FARS2: variants seen among roughly 807,000 people sequenced by gnomAD.
FARS2 encodes the protein phenylalanine--tRNA ligase, mitochondrial.
Under a neutral mutation model 46.4 loss-of-function variants are expected in FARS2, and 40 were observed. That is an observed-to-expected ratio of 0.86 (90% CI 0.67 to 1.12). The LOEUF (loss-of-function observed/expected upper bound fraction) is 1.12. Ranked by LOEUF, FARS2 falls within the 50% of genes most tolerant of loss-of-function variation. The probability of loss-of-function intolerance (pLI) is 0.00; values close to 1 mark genes in which losing one functional copy is unlikely to be tolerated. For synonymous variants in FARS2, 234 were observed against 214.9 expected, an observed-to-expected ratio of 1.09 and a Z score of -0.78; for missense variants, 513 against 567.9, an observed-to-expected ratio of 0.90 and a Z score of 0.98.
chr6:5,304,065 G>A (rs1236918978), intron 1 of FARS2, among the ~76,000 whole-genome samples: 1 of 152,042 alleles, frequency 6.6e-6, no homozygotes, highest in African/African-American at 2.4e-5. Context: ...TGAGATCAAA[G>A]CATGCATATC....
chr6:5,681,373 C>T (rs892804179), intron 6 of FARS2, among the ~76,000 whole-genome samples: 6 of 152,160 alleles, frequency 3.9e-5, no homozygotes, highest in African/African-American at 1.4e-4. Flanking sequence ...TGACCTAGTT[C>T]ACATTTTATA....
At chr6:5,665,941 T>C (rs1778093275) in intron 6 of FARS2, among the ~76,000 whole-genome samples, 1 of 152,004 alleles carries the variant, frequency 6.6e-6, no homozygotes, top group Non-Finnish European at 1.5e-5. Flanking sequence ...GGTGGCTGAA[T>C]GTCATGAGGG....
At chr6:5,432,954 G>A (rs962236015) in intron 4 of FARS2, among the ~76,000 whole-genome samples, 1 of 152,096 alleles carries the variant, frequency 6.6e-6, no homozygotes, top group Non-Finnish European at 1.5e-5. Flanking sequence ...ATCTGCAGGG[G>A]CCTGGACTCC....
At chr6:5,427,044 C>T (rs1762894556) in intron 3 of FARS2, among the ~76,000 whole-genome samples, 1 of 152,164 alleles carries the variant, frequency 6.6e-6, no homozygotes, top group South Asian at 2.1e-4. Context: ...AGTAGAGACA[C>T]AGTGTACTCA....
intron 5 of FARS2, among the ~76,000 whole-genome samples, chr6:5,602,367 C>T (rs1268635473): frequency 6.6e-6 from 1 of 152,064 alleles, no homozygotes; most frequent in Non-Finnish European, 1.5e-5. Context: ...AGGAAACCTC[C>T]AGCCGGGTGC....
intron 4 of FARS2, among the ~76,000 whole-genome samples, chr6:5,436,289 G>A (rs1347983500): frequency 1.3e-5 from 2 of 152,180 alleles, no homozygotes; most frequent in African/African-American, 2.4e-5. Flanking sequence ...TCCTATATCA[G>A]CATGAATCTA....
chr6:5,440,240 C>T (rs1005463086), intron 4 of FARS2, among the ~76,000 whole-genome samples: 1 of 151,976 alleles, frequency 6.6e-6, no homozygotes, highest in African/African-American at 2.4e-5. Context: ...GTCAGATATA[C>T]CTACATATAG....
At chr6:5,521,868 G>A (rs553016509) in intron 4 of FARS2, among the ~76,000 whole-genome samples, 2 of 152,198 alleles carry the variant, frequency 1.3e-5, no homozygotes, top group Admixed American at 6.5e-5. Flanking sequence ...ATAAGTGGTC[G>A]AGTCTCTGCA....
intron 6 of FARS2, among the ~76,000 whole-genome samples, chr6:5,703,510 C>T (rs1758565045): frequency 6.6e-6 from 1 of 152,160 alleles, no homozygotes; most frequent in Admixed American, 6.5e-5. Flanking sequence ...CACTTTATAG[C>T]AGATATACAT....
intron 6 of FARS2, among the ~76,000 whole-genome samples, chr6:5,636,347 G>A (rs1776546258): frequency 6.6e-6 from 1 of 152,210 alleles, no homozygotes; most frequent in Non-Finnish European, 1.5e-5. Context: ...TGTCCACCCA[G>A]CTCCCGGTGA....
chr6:5,260,865 G>C (rs1165596430), upstream of FARS2: 3 of 1,467,002 alleles, frequency 2.0e-6, no homozygotes, highest in Admixed American at 7.1e-5. Flanking sequence ...CAGCGGGCCG[G>C]GCCTAAGCCT....
At chr6:5,683,317 A>G (rs557655569) in intron 6 of FARS2, among the ~76,000 whole-genome samples, 26 of 152,302 alleles carry the variant, frequency 1.7e-4, no homozygotes, top group Non-Finnish European at 2.6e-4. Flanking sequence ...AGACAAGGAC[A>G]CATCCTGGGT....
At chr6:5,262,282 C>CTTTTTTTTTTTTTTTTTTTTTTTTTTT (rs1765214282) in intron 1 of FARS2, among the ~76,000 whole-genome samples, 1 of 151,926 alleles carries the variant, frequency 6.6e-6, no homozygotes, top group African/African-American at 2.4e-5. Context: ...TTTCTGTTTC[C>CTTTTTTTTTTTTTTTTTTTTTTTTTTT]TTTTCTTTTT....
rs567842820 is a variant in FARS2, at chr6:5,339,971, C to G, written c.-21-28579C>G. 1.1e-4 allele frequency among the ~76,000 whole-genome samples: 16 copies of G among 152,342 alleles called. No homozygotes were observed. The South Asian group carries it at 3.1e-3, about 30-fold the overall frequency. On this transcript the variant is annotated intron_variant, in intron 1 of 6. Transcript: ENST00000274680. ...GCCAGAGCCAGCATTTTAGAGAAGT[C>G]AGGATAGCTGAAGTTTCTCTTATGT...
At chr6:5,260,779 A>G (rs537369528), upstream of FARS2, 590 of 1,536,586 alleles carry the variant, frequency 3.8e-4, 9 homozygotes, top group South Asian at 6.7e-3. Context: ...CCGAGGTCCC[A>G]AGTACGACCC....
chr6:5,682,400 T>G (rs1779080404), intron 6 of FARS2, among the ~76,000 whole-genome samples: 1 of 152,204 alleles, frequency 6.6e-6, no homozygotes, highest in Admixed American at 6.5e-5. Flanking sequence ...GACCCTTGTA[T>G]TTTTTTAAGG....
intron 4 of FARS2, among the ~76,000 whole-genome samples, chr6:5,539,598 TGA>T (rs1305834226): frequency 6.6e-6 from 1 of 151,880 alleles, no homozygotes; most frequent in East Asian, 1.9e-4. Context: ...AGCTTTGCAG[TGA>T]GCCTTCTGAG....
chr6:5,771,554 C>G lies in FARS2; in HGVS notation c.*125C>G. Reference sequence around the variant, plus strand: ...ATAAATGGATCAGTTTTAGGACTTTCAGAAAATAAAAGATCGCTCTTGAAA... The same window carrying G: ...ATAAATGGATCAGTTTTAGGACTTTGAGAAAATAAAAGATCGCTCTTGAAA... On this transcript the variant is annotated 3_prime_UTR_variant, in exon 7 of 7. Transcript: ENST00000274680. 1.3e-5 allele frequency: 14 copies of G among 1,055,478 alleles called. No homozygotes were observed. Among genetic ancestry groups the G allele is most frequent in the Non-Finnish European group, 1.9e-5 (14 of 740,884 alleles). 65.4% of individuals were successfully genotyped at this position (1,055,478 alleles called of 1,614,324 possible).
chr6:5,430,943 G>A, intron 3 of FARS2, 98 bp from the exon 4 acceptor site: 1 of 1,155,492 alleles, frequency 8.7e-7, no homozygotes, highest in Non-Finnish European at 1.2e-6. Context: ...TACTCAGAAT[G>A]TAGTAATTGG....
Sources: gnomAD v4.1 joint callset for allele counts (sites outside exome capture counted in the v4.1 genomes callset) on GRCh38, gnomAD v4.1.1 for gene constraint, MANE v1.5 for transcripts, NCBI Gene and HGNC (gene_info 2026-07-23, HGNC 2026-07-21) for gene names.